CHRM3: variants seen among roughly 807,000 people sequenced by gnomAD.
The protein encoded by CHRM3 is cholinergic receptor muscarinic 3.
CHRM3 carries 11 observed loss-of-function variants against 41.8 expected under a neutral mutation model. The observed-to-expected ratio is 0.26, with a 90% confidence interval of 0.17 to 0.44. The LOEUF is 0.44. Ranked by LOEUF, CHRM3 falls within the 20% of genes least tolerant of loss-of-function variation. The pLI is 1.00. For missense variants in CHRM3, 571 were observed against 745.4 expected, an observed-to-expected ratio of 0.77 and a Z score of 2.72; for synonymous variants, 297 against 301.4, an observed-to-expected ratio of 0.99 and a Z score of 0.15.
At chr1:239,470,179 G>T (rs1328237561) in intron 1 of CHRM3, among the ~76,000 whole-genome samples, 1 of 152,138 alleles carries the variant, frequency 6.6e-6, no homozygotes, top group Non-Finnish European at 1.5e-5. Flanking sequence ...ACCCAGAGGA[G>T]AACACAGAGG....
At chr1:239,753,020 GT>G (rs1665957435) in intron 5 of CHRM3, among the ~76,000 whole-genome samples, 1 of 152,114 alleles carries the variant, frequency 6.6e-6, no homozygotes, top group Non-Finnish European at 1.5e-5. Context: ...CACAATATTT[GT>G]TTGAAAGAAC....
intron 1 of CHRM3, among the ~76,000 whole-genome samples, chr1:239,457,714 C>T (rs185311475): frequency 6.6e-6 from 1 of 152,164 alleles, no homozygotes. Context: ...CACACTCATG[C>T]TTCAGAGGTG....
chr1:239,784,440 T>G (rs1466093925), intron 5 of CHRM3, among the ~76,000 whole-genome samples: 1 of 152,212 alleles, frequency 6.6e-6, no homozygotes, highest in Non-Finnish European at 1.5e-5. Flanking sequence ...CGCCTTAAAG[T>G]GTGCAATACA....
At position 239,544,249 on chromosome 1, in the gene CHRM3, C is replaced by T. The variant is rs143790222; in HGVS notation, c.-421-1392C>T. Among the ~76,000 whole-genome samples the T allele has an allele frequency of 6.7e-3, 1,020 of 152,256 alleles. 8 individuals are homozygous for T. The highest frequency in any genetic ancestry group is 9.5e-3 in the Non-Finnish European group (647 of 68,034). On this transcript the variant is annotated intron_variant, in intron 2 of 6. Transcript: ENST00000676153. ...CTCCTAGTAATCATGCAGTTTCTGCCTATAGACTTTGACTTCAGTTTTCTC... is the reference window on the plus strand; with the variant it reads ...CTCCTAGTAATCATGCAGTTTCTGCTTATAGACTTTGACTTCAGTTTTCTC...
At chr1:239,590,525 A>G (rs998334425) in intron 3 of CHRM3, among the ~76,000 whole-genome samples, 1 of 152,222 alleles carries the variant, frequency 6.6e-6, no homozygotes, top group Non-Finnish European at 1.5e-5. Flanking sequence ...TTTTGATAAG[A>G]TGAACTTTTA....
At chr1:239,451,816 G>T in intron 1 of CHRM3, among the ~76,000 whole-genome samples, 1 of 151,966 alleles carries the variant, frequency 6.6e-6, no homozygotes. Flanking sequence ...ATACATAAAA[G>T]ATGTGATCTT....
chr1:239,736,266 C>T (rs1016277489), intron 5 of CHRM3, among the ~76,000 whole-genome samples: 10 of 151,932 alleles, frequency 6.6e-5, no homozygotes, highest in East Asian at 1.9e-4. Context: ...ATGAGCCAGA[C>T]GAATAGAACC....
chr1:239,526,156 C>A (rs892139629), intron 2 of CHRM3, among the ~76,000 whole-genome samples: 4 of 152,090 alleles, frequency 2.6e-5, no homozygotes, highest in Non-Finnish European at 5.9e-5. Context: ...TCAAACAAAC[C>A]CTTCCCTGGC....
Position 239,907,632 on chromosome 1 carries a change from G to A in CHRM3, c.181G>A (p.Gly61Arg). The A allele has an allele frequency of 6.2e-7, 1 of 1,614,130 alleles. No homozygotes were observed. Among genetic ancestry groups the A allele is most frequent in the Non-Finnish European group, 8.5e-7 (1 of 1,180,024 alleles). The change falls in exon 7 of 7, where the codon GGA becomes AGA. Residue 61 changes from glycine (G) to arginine (R), a missense_variant. Physicochemically the swap from Gly to Arg is moderately radical, Grantham distance 125. This residue lies in a region of CHRM3 where 153 missense variants were observed against 296.3 expected (regional missense o/e 0.52). Transcript: ENST00000676153. The surrounding 1 kb of genome is among the most constrained non-coding windows in gnomAD (Gnocchi z 5.4). ...AGACGGTACCACCGATGACCCTCTG[G>A]GAGGTCATACCGTCTGGCAAGTGGT... The part of the protein sequence containing the change: ...SPDGTTDDPL[G>R]GHTVWQVVFI...
chr1:239,566,249 G>A (rs1341679533), intron 3 of CHRM3, among the ~76,000 whole-genome samples: 2 of 152,190 alleles, frequency 1.3e-5, no homozygotes, highest in Non-Finnish European at 2.9e-5. Flanking sequence ...CAGCATGTCT[G>A]CAAGAGCAGA....
intron 2 of CHRM3, among the ~76,000 whole-genome samples, chr1:239,518,195 G>T (rs894736441): frequency 6.6e-5 from 10 of 152,186 alleles, no homozygotes; most frequent in African/African-American, 2.4e-4. Flanking sequence ...GAAAGACTAA[G>T]TTACTCAAAT....
intron 3 of CHRM3, among the ~76,000 whole-genome samples, chr1:239,594,901 C>T (rs1313391000): frequency 6.6e-6 from 1 of 152,024 alleles, no homozygotes; most frequent in Non-Finnish European, 1.5e-5. Flanking sequence ...ACCAGCCTGA[C>T]CAACATGGAG....
chr1:239,908,314 G>A lies in CHRM3; in HGVS notation c.863G>A (p.Arg288Gln), dbSNP rs200801669. 11 of 1,613,978 alleles carry A rather than the reference G, an allele frequency of 6.8e-6. No homozygotes were observed. The highest frequency in any genetic ancestry group is 3.3e-5 in the Admixed American group (2 of 60,010). ...ENFVHPTGSS[R>Q]SCSSYELQQQ... is the part of the protein sequence containing the mutation. ...TTTGTCCACCCCACGGGCAGTTCTC[G>A]AAGCTGCAGCAGTTACGAACTTCAA... The change falls in exon 7 of 7, where the codon CGA becomes CAA. Residue 288 changes from arginine to glutamine, a missense_variant. Coordinates refer to ENST00000676153, the MANE Select transcript of CHRM3 (RefSeq NM_001375978.1). The surrounding 1 kb of genome is among the most constrained non-coding windows in gnomAD (Gnocchi z 7.2).
At chr1:239,461,204 G>A (rs1300677015) in intron 1 of CHRM3, among the ~76,000 whole-genome samples, 1 of 152,114 alleles carries the variant, frequency 6.6e-6, no homozygotes. Flanking sequence ...AATAAGGAGA[G>A]ATTTATATGG....
intron 5 of CHRM3, among the ~76,000 whole-genome samples, chr1:239,725,646 T>C (rs1663367131): frequency 6.6e-6 from 1 of 152,028 alleles, no homozygotes; most frequent in East Asian, 2.0e-4. Flanking sequence ...TGTTGATTGA[T>C]TGGTGGCCGG....
rs5782110 is a variant in CHRM3, at chr1:239,909,421, G to GAAA, written c.*205_*207dup. On this transcript the variant is annotated 3_prime_UTR_variant, in exon 7 of 7. Coordinates refer to ENST00000676153, the MANE Select transcript of CHRM3 (RefSeq NM_001375978.1). ...AAAGTCAATACCAATTCAGCAAAAAGAAAAAAAAAACATACTACTGAATAT... is the reference window on the plus strand; with the variant it reads ...AAAGTCAATACCAATTCAGCAAAAAGAAAAAAAAAAAAACATACTACTGAATAT... The GAAA allele has an allele frequency of 0.29, 124,005 of 422,802 alleles. 11,210 individuals are homozygous for GAAA. The highest frequency in any genetic ancestry group is 0.31 in the African/African-American group (14,900 of 47,432). 26.2% of individuals were successfully genotyped at this position (422,802 alleles called of 1,614,324 possible).
chr1:239,425,529 C>T (rs577204446), intron 1 of CHRM3, among the ~76,000 whole-genome samples: 21 of 152,132 alleles, frequency 1.4e-4, no homozygotes, highest in Non-Finnish European at 2.5e-4. Flanking sequence ...TGAAACGGCA[C>T]AACACTCATG....
chr1:239,618,789 A>C lies in CHRM3; in HGVS notation c.-312-13435A>C, dbSNP rs1405955203. On this transcript the variant is annotated intron_variant, in intron 3 of 6. Transcript: ENST00000676153. ...AACCCGGGAGGCGGAGCTTGCAGTG[A>C]GCCGAGATCGCGCCCCTGCACTCCA... 5.9e-4 allele frequency among the ~76,000 whole-genome samples: 82 copies of C among 138,866 alleles called. 1 individual carries two copies. The highest frequency in any genetic ancestry group is 4.6e-5 in the Non-Finnish European group (3 of 64,932). 91.1% of individuals were successfully genotyped at this position (138,866 alleles called of 152,430 possible). A position where few individuals can be genotyped will look rare whatever the true frequency, so the allele number is the denominator to read the frequency against.
chr1:239,448,568 G>A (rs1664318862), intron 1 of CHRM3, among the ~76,000 whole-genome samples: 1 of 152,078 alleles, frequency 6.6e-6, no homozygotes, highest in South Asian at 2.1e-4. Context: ...TATCAAGTTT[G>A]TAATAGAGCT....
Sources: gnomAD v4.1 joint callset for allele counts (sites outside exome capture counted in the v4.1 genomes callset) on GRCh38, gnomAD v4.1.1 for gene constraint, gnomAD v4.1.1 regional missense constraint, Gnocchi (gnomAD v3.1) non-coding constraint, MANE v1.5 for transcripts, NCBI Gene and HGNC (gene_info 2026-07-23, HGNC 2026-07-21) for gene names.